The following C10orf90 variants were observed in gnomAD, a reference collection of about 807,000 sequenced individuals.
The protein encoded by C10orf90 is chromosome 10 open reading frame 90, also known as (E2-independent) E3 ubiquitin-conjugating enzyme FATS.
In C10orf90, 56 loss-of-function variants were observed where a neutral mutation model predicts 62.5. The observed-to-expected ratio is 0.90, with a 90% CI of 0.72 to 1.12. C10orf90 has a LOEUF of 1.12. Ranked by LOEUF, C10orf90 falls within the 50% of genes most tolerant of loss-of-function variation. The pLI, the probability that C10orf90 is intolerant of heterozygous loss-of-function variation, is 0.00. For missense variants in C10orf90, 970 were observed against 880.4 expected (o/e 1.10, Z -1.29); for synonymous variants, 386 against 340.4 (o/e 1.13, Z -1.47).
chr10:126,537,676 C>G (rs537238883), intron 2 of C10orf90, among the ~76,000 whole-genome samples: 18 of 152,132 alleles, frequency 1.2e-4, no homozygotes, highest in Non-Finnish European at 2.5e-4. Context: ...TTCTCTGGAT[C>G]CCAAGAAATT....
At position 126,504,574 on chromosome 10, in the gene C10orf90, A is replaced by T; in HGVS notation, c.917T>A (p.Val306Asp). The T allele has an allele frequency of 6.2e-7, 1 of 1,614,066 alleles. No homozygotes were observed. Among genetic ancestry groups the T allele is most frequent in the Non-Finnish European group, 8.5e-7 (1 of 1,180,000 alleles). ...ACACAACCCAGTGTGGGCCTCGGGA[A>T]CCTTCAGCCGCACCACGGAGCTGTT... ...SRNSSVVRLK[V>D]PEAHTGLCER... The change falls in exon 4 of 10, where the codon GTT (valine) becomes GAT (aspartate). Residue 306 changes from valine (V) to aspartate (D), a missense_variant. Transcript: ENST00000488181. The surrounding 1 kb of genome is among the most constrained non-coding windows in gnomAD (Gnocchi z 4.1).
chr10:126,472,009 A>G (rs1241157756), intron 4 of C10orf90, among the ~76,000 whole-genome samples: 1 of 152,212 alleles, frequency 6.6e-6, no homozygotes, highest in East Asian at 1.9e-4. Flanking sequence ...CATGATCAAC[A>G]GAAACAAGTT....
At chr10:126,507,281 C>T (rs1040798905) in intron 3 of C10orf90, among the ~76,000 whole-genome samples, 2 of 146,944 alleles carry the variant, frequency 1.4e-5, no homozygotes, top group Non-Finnish European at 1.5e-5. Context: ...GGCGTGAACC[C>T]GAGAGACGGA....
chr10:126,638,406 T>C (rs1337446067), intron 2 of C10orf90, among the ~76,000 whole-genome samples: 1 of 152,130 alleles, frequency 6.6e-6, no homozygotes, highest in African/African-American at 2.4e-5. Flanking sequence ...CACTGCCTCT[T>C]GCCTGGTTGG....
intron 4 of C10orf90, among the ~76,000 whole-genome samples, chr10:126,482,854 G>T (rs1002454518): frequency 6.6e-6 from 1 of 152,162 alleles, no homozygotes; most frequent in Admixed American, 6.5e-5. Context: ...CAGGAAAAAA[G>T]AATCCAAGTT....
chr10:126,653,072 T>C (rs1460434240), intron 1 of C10orf90, among the ~76,000 whole-genome samples: 1 of 152,228 alleles, frequency 6.6e-6, no homozygotes, highest in Non-Finnish European at 1.5e-5. Context: ...AAAACAAAAA[T>C]GCTAATCATT....
intron 1 of C10orf90, among the ~76,000 whole-genome samples, chr10:126,649,064 CT>C (rs1846234259): frequency 6.6e-5 from 4 of 60,726 alleles, no homozygotes; most frequent in Non-Finnish European, 6.9e-5. Flanking sequence ...CTCTCTCTCT[CT>C]CTCTCTCCCC....
chr10:126,479,618 C>T (rs193192260), intron 4 of C10orf90, among the ~76,000 whole-genome samples: 1 of 152,300 alleles, frequency 6.6e-6, no homozygotes, highest in African/African-American at 2.4e-5. Context: ...AAGGCCTCCC[C>T]ATGGTTACAG....
intron 2 of C10orf90, among the ~76,000 whole-genome samples, chr10:126,582,059 C>G (rs535684971): frequency 2.0e-5 from 3 of 152,186 alleles, no homozygotes; most frequent in African/African-American, 7.2e-5. Context: ...AGCATATTCC[C>G]GGCATCCACA....
At position 126,477,197 on chromosome 10, in the gene C10orf90, T is replaced by G. The variant is rs1031952776; in HGVS notation, c.1535-12211A>C. The stretch of plus-strand genomic sequence containing the variant: ...GTGAATACAGCTGAGTGTTGTTTTA[T>G]TTAAGCTCACACCACTGGCTATGAA... On this transcript the variant is annotated intron_variant, in intron 4 of 9. Transcript: ENST00000488181. Among the ~76,000 whole-genome samples, 3 of 145,998 alleles carry G rather than the reference T, an allele frequency of 2.1e-5. No homozygotes were observed. In the East Asian group the frequency reaches 6.4e-4, roughly 31 times the overall value.
chr10:126,426,992 A>T (rs1857304512), intron 8 of C10orf90, among the ~76,000 whole-genome samples: 1 of 152,246 alleles, frequency 6.6e-6, no homozygotes, highest in Non-Finnish European at 1.5e-5. Flanking sequence ...CCACTGTTAT[A>T]TAAATGAGAA....
intron 1 of C10orf90, among the ~76,000 whole-genome samples, chr10:126,667,538 C>G (rs1457433541): frequency 6.6e-6 from 1 of 152,132 alleles, no homozygotes; most frequent in South Asian, 2.1e-4. Context: ...GATGGGTGAG[C>G]CTTAGCTGAT....
At chr10:126,497,593 A>C (rs7899086) in intron 4 of C10orf90, among the ~76,000 whole-genome samples, 3 of 151,992 alleles carry the variant, frequency 2.0e-5, no homozygotes, top group African/African-American at 4.8e-5. Flanking sequence ...CCACCTCTCT[A>C]ATTCCACAGA....
intron 2 of C10orf90, among the ~76,000 whole-genome samples, chr10:126,553,126 C>T (rs1260983070): frequency 6.6e-6 from 1 of 151,874 alleles, no homozygotes; most frequent in Non-Finnish European, 1.5e-5. Context: ...TAAAAGGATA[C>T]AGAAAAGCTC....
chr10:126,515,641 T>C (rs1163276998), intron 2 of C10orf90, among the ~76,000 whole-genome samples: 1 of 152,176 alleles, frequency 6.6e-6, no homozygotes, highest in Non-Finnish European at 1.5e-5. Context: ...CCAACCACAT[T>C]TCTCAGAACA....
At chr10:126,560,693 G>A (rs1864880996) in intron 2 of C10orf90, among the ~76,000 whole-genome samples, 2 of 152,066 alleles carry the variant, frequency 1.3e-5, no homozygotes, top group South Asian at 4.1e-4. Flanking sequence ...CTTCTGAAAG[G>A]GCCAGAGAGT....
intron 2 of C10orf90, among the ~76,000 whole-genome samples, chr10:126,586,506 C>T (rs1378330652): frequency 3.3e-5 from 5 of 152,192 alleles, no homozygotes; most frequent in Non-Finnish European, 7.3e-5. Context: ...CTCAAAATAA[C>T]AGATTGGAAA....
chr10:126,581,740 G>T (rs1010071285), intron 2 of C10orf90, among the ~76,000 whole-genome samples: 1 of 152,082 alleles, frequency 6.6e-6, no homozygotes. Context: ...AATTCCTCAC[G>T]TTGTGATTCC....
At chr10:126,581,663 C>T (rs1043138846) in intron 2 of C10orf90, among the ~76,000 whole-genome samples, 16 of 152,192 alleles carry the variant, frequency 1.1e-4, no homozygotes, top group African/African-American at 2.4e-4. Context: ...CAGTGTTAAA[C>T]GTAGACACAG....
Sources: allele counts gnomAD v4.1 joint callset (sites outside exome capture counted in the v4.1 genomes callset), GRCh38; gene constraint gnomAD v4.1.1; non-coding constraint Gnocchi (gnomAD v3.1); transcripts MANE v1.5; gene names NCBI Gene and HGNC (gene_info 2026-07-23, HGNC 2026-07-21).